The following PXDNL variants were observed in gnomAD, a reference collection of about 807,000 sequenced individuals.
PXDNL encodes the protein peroxidasin like, also known as probable oxidoreductase PXDNL.
A neutral mutation model predicts 150.8 loss-of-function variants in PXDNL; 145 were observed. The observed-to-expected ratio is 0.96, with a 90% CI of 0.84 to 1.10. PXDNL has a LOEUF of 1.10. Among genes scored for constraint, PXDNL ranks in the 50% least tolerant of loss-of-function variants. The pLI is 0.00. For missense variants in PXDNL, 2,087 were observed against 1,873.9 expected (o/e 1.11, Z -2.10); for synonymous variants, 757 against 725.7 (o/e 1.04, Z -0.69).
rs571268740 is a variant in PXDNL, at chr8:51,440,143, T to C, written c.1525+6861A>G. Among the ~76,000 whole-genome samples the C allele has an allele frequency of 5.9e-5, 9 of 152,204 alleles. No homozygotes were observed. The East Asian group carries it at 1.7e-3, about 29-fold the overall frequency. ...GGCATTTGCAGCAACCTGGATGGAA[T>C]TGAAGACTATTATTCTAAGTGAAGT... On this transcript the variant is annotated intron_variant, in intron 12 of 22. Coordinates refer to ENST00000356297, the MANE Select transcript of PXDNL (RefSeq NM_144651.5).
intron 19 of PXDNL, among the ~76,000 whole-genome samples, chr8:51,366,372 C>T (rs1019106842): frequency 6.6e-6 from 1 of 152,168 alleles, no homozygotes; most frequent in Non-Finnish European, 1.5e-5. Flanking sequence ...TTCTGTTTTC[C>T]GTACATTGCT....
intron 21 of PXDNL, among the ~76,000 whole-genome samples, chr8:51,332,004 C>T (rs1805704031): frequency 6.6e-6 from 1 of 152,098 alleles, no homozygotes; most frequent in Non-Finnish European, 1.5e-5. Flanking sequence ...AGCACCACCT[C>T]CTGGCAGGAG....
chr8:51,692,822 G>A, intron 1 of PXDNL, among the ~76,000 whole-genome samples: 1 of 152,202 alleles, frequency 6.6e-6, no homozygotes, highest in Non-Finnish European at 1.5e-5. Flanking sequence ...ACAAGTAAAA[G>A]TTCTCATCTT....
Position 51,503,402 on chromosome 8 carries a change from ATT to A in PXDNL, c.381-3634_381-3633del, listed in dbSNP as rs5891417. Among the ~76,000 whole-genome samples the A allele has an allele frequency of 3.3e-5, 5 of 152,212 alleles. No individual in the cohort carries two copies. In the East Asian group the frequency reaches 9.6e-4, roughly 29 times the overall value. ...ATTTTCTAACAAAATCTTTTTCAAA[ATT>A]TTTTTTAAAACTTTAAGCCAATTTA... On this transcript the variant is annotated intron_variant, in intron 4 of 22. Coordinates refer to ENST00000356297, the MANE Select transcript of PXDNL (RefSeq NM_144651.5).
At chr8:51,590,033 T>C (rs965733980) in intron 3 of PXDNL, among the ~76,000 whole-genome samples, 1 of 152,008 alleles carries the variant, frequency 6.6e-6, no homozygotes, top group Non-Finnish European at 1.5e-5. Context: ...ACAGAATAGT[T>C]TCAGGGAATG....
At chr8:51,675,792 C>CA (rs71550280) in intron 1 of PXDNL, among the ~76,000 whole-genome samples, 3,113 of 93,196 alleles carry the variant, frequency 0.033, 109 homozygotes, top group Middle Eastern at 0.074. Context: ...GGCTCCGTCT[C>CA]AAAAAAAAAA....
chr8:51,698,766 T>C (rs1816194088), intron 1 of PXDNL, among the ~76,000 whole-genome samples: 2 of 152,236 alleles, frequency 1.3e-5, no homozygotes, highest in Admixed American at 6.5e-5. Context: ...AAGAAATGTA[T>C]TTCTGAAATT....
chr8:51,393,504 C>T (rs952011009), intron 17 of PXDNL, among the ~76,000 whole-genome samples: 2 of 152,214 alleles, frequency 1.3e-5, no homozygotes, highest in Admixed American at 1.3e-4. Flanking sequence ...CTCATAGTCT[C>T]CTTCTATGCT....
At chr8:51,653,634 A>G (rs994830712) in intron 2 of PXDNL, among the ~76,000 whole-genome samples, 1 of 152,194 alleles carries the variant, frequency 6.6e-6, no homozygotes. Context: ...CATCCCAAAC[A>G]GAGATACTGT....
At position 51,617,613 on chromosome 8, in the gene PXDNL, T is replaced by C. The variant is rs145480987; in HGVS notation, c.237-24915A>G. Among the ~76,000 whole-genome samples the C allele has an allele frequency of 1.7e-4, 26 of 152,382 alleles. No individual in the cohort carries two copies. In the East Asian group the frequency reaches 4.6e-3, roughly 27 times the overall value. On this transcript the variant is annotated intron_variant, in intron 2 of 22. Coordinates refer to ENST00000356297, the MANE Select transcript of PXDNL (RefSeq NM_144651.5). ...CAGTCAATACTGCATGGAAATCTAC[T>C]AAACATTAGTAAGCTGGTGCTCTCT...
chr8:51,645,839 T>A (rs1216213032), intron 2 of PXDNL, among the ~76,000 whole-genome samples: 1 of 152,076 alleles, frequency 6.6e-6, no homozygotes, highest in Non-Finnish European at 1.5e-5. Context: ...AAATCGCAGT[T>A]CAAAGTCATA....
intron 1 of PXDNL, among the ~76,000 whole-genome samples, chr8:51,668,721 T>G (rs1815440047): frequency 6.6e-6 from 1 of 152,232 alleles, no homozygotes; most frequent in Non-Finnish European, 1.5e-5. Context: ...TTACTAAAAA[T>G]TCCAATAGTA....
intron 1 of PXDNL, among the ~76,000 whole-genome samples, chr8:51,664,427 T>A (rs1390877126): frequency 6.6e-6 from 1 of 152,156 alleles, no homozygotes; most frequent in East Asian, 1.9e-4. Flanking sequence ...TGATTTCCAC[T>A]GTTTCTGTGC....
chr8:51,708,432 AAAAT>A (rs1297009132), intron 1 of PXDNL, among the ~76,000 whole-genome samples: 1 of 152,252 alleles, frequency 6.6e-6, no homozygotes, highest in Non-Finnish European at 1.5e-5. Context: ...AAAGCAGACT[AAAAT>A]AAAAAGAGAG....
chr8:51,411,442 CA>C, intron 15 of PXDNL, 35 bp from the exon 16 acceptor site: 2 of 1,533,946 alleles, frequency 1.3e-6, no homozygotes, highest in South Asian at 1.3e-5. Flanking sequence ...CTTTACAAGG[CA>C]AAACAGCAGA....
chr8:51,408,587 T>C lies in PXDNL; in HGVS notation c.3037A>G (p.Thr1013Ala), dbSNP rs762835404. The change falls in exon 17 of 23, where the codon ACC becomes GCC. Residue 1013 changes from threonine (T) to alanine (A), a missense_variant. Thr to Ala is a moderately conservative substitution (Grantham distance 58). Transcript: ENST00000356297. ...ACCTTAGGCAGCCAGTGGCTGTAGG[T>C]GATGTGCTGCAGCTCCGCGCCCACG... is the stretch of plus-strand genomic sequence containing the variant. Reference protein sequence around the residue: ...KIVGAELQHITYSHWLPKVLG... With the variant: ...KIVGAELQHIAYSHWLPKVLG... 31 of 1,612,332 alleles carry C rather than the reference T, an allele frequency of 1.9e-5. No individual in the cohort carries two copies. Among genetic ancestry groups the C allele is most frequent in the Non-Finnish European group, 2.5e-5 (30 of 1,179,372 alleles).
chr8:51,388,652 GTC>G (rs1242029501), intron 17 of PXDNL, among the ~76,000 whole-genome samples: 3 of 151,934 alleles, frequency 2.0e-5, no homozygotes, highest in South Asian at 2.1e-4. Flanking sequence ...TTCAAACTGG[GTC>G]TCTCTCTCTC....
chr8:51,509,735 C>CATATAT (rs553993472), intron 4 of PXDNL, among the ~76,000 whole-genome samples: 8 of 107,058 alleles, frequency 7.5e-5, no homozygotes, highest in African/African-American at 3.5e-4. Context: ...TATATATATA[C>CATATAT]ATATATACAC....
intron 4 of PXDNL, among the ~76,000 whole-genome samples, chr8:51,523,875 G>T (rs1252596642): frequency 6.6e-6 from 1 of 152,170 alleles, no homozygotes; most frequent in African/African-American, 2.4e-5. Context: ...AGAAATCAGA[G>T]AATTCTCTGA....
Sources: gnomAD v4.1 joint callset for allele counts (sites outside exome capture counted in the v4.1 genomes callset) on GRCh38, gnomAD v4.1.1 for gene constraint, MANE v1.5 for transcripts, NCBI Gene and HGNC (gene_info 2026-07-23, HGNC 2026-07-21) for gene names.